Variants in NCKAP5 observed in about 807,000 individuals in gnomAD.
NCKAP5 encodes nck-associated protein 5.
A neutral mutation model predicts 167.0 loss-of-function variants in NCKAP5; 92 were observed. The observed-to-expected ratio is 0.55, with a 90% CI of 0.47 to 0.66. NCKAP5 has a LOEUF of 0.66. NCKAP5 is among the 30% of genes least tolerant of loss of function. NCKAP5 has a pLI of 0.00. For missense variants in NCKAP5, 2,378 were observed against 2,315.0 expected, an observed-to-expected ratio of 1.03 and a Z score of -0.56; for synonymous variants, 891 against 877.4, an observed-to-expected ratio of 1.02 and a Z score of -0.27.
At chr2:133,187,869 G>T (rs141994210) in intron 5 of NCKAP5, among the ~76,000 whole-genome samples, 2 of 151,768 alleles carry the variant, frequency 1.3e-5, no homozygotes, top group African/African-American at 2.4e-5. Flanking sequence ...GCCTATATGC[G>T]TTTGCACGTG....
intron 8 of NCKAP5, among the ~76,000 whole-genome samples, chr2:132,924,763 T>C (rs1695718481): frequency 6.6e-6 from 1 of 152,062 alleles, no homozygotes; most frequent in Non-Finnish European, 1.5e-5. Context: ...CAGAGTAAGT[T>C]GAGAGGCTAT....
intron 16 of NCKAP5, among the ~76,000 whole-genome samples, chr2:132,739,826 T>A (rs1302310032): frequency 6.6e-6 from 1 of 152,202 alleles, no homozygotes; most frequent in Non-Finnish European, 1.5e-5. Context: ...ATCTGCCTCA[T>A]GTAGAGAAAA....
At position 133,248,798 on chromosome 2, in the gene NCKAP5, C is replaced by T. The variant is rs1186148711; in HGVS notation, c.144-35019G>A. Among the ~76,000 whole-genome samples, 14 of 152,170 alleles carry T rather than the reference C, an allele frequency of 9.2e-5. 1 individual carries two copies. The highest frequency in any genetic ancestry group is 6.2e-4 in the South Asian group (3 of 4,830). On this transcript the variant is annotated intron_variant, in intron 4 of 19. Transcript: ENST00000409261. ...TGTCTAACCCTTGACTGCTCCGGTT[C>T]GTTCCCCAACCAGATCAACAGACCC...
chr2:132,747,717 T>C (rs1457365933), intron 16 of NCKAP5, among the ~76,000 whole-genome samples: 1 of 152,218 alleles, frequency 6.6e-6, no homozygotes, highest in Non-Finnish European at 1.5e-5. Flanking sequence ...TTCTGCAGCA[T>C]AACAACATTT....
At position 133,251,076 on chromosome 2, in the gene NCKAP5, T is replaced by TA. The variant is rs1017879711; in HGVS notation, c.144-37298dup. Among the ~76,000 whole-genome samples, 156 of 140,434 alleles carry TA rather than the reference T, an allele frequency of 1.1e-3. 1 individual carries two copies. The highest frequency in any genetic ancestry group is 3.5e-3 in the Middle Eastern group (1 of 284). The allele number at this position is 140,434 out of a possible 152,430, so 92.1% of individuals were successfully genotyped here. ...ACACACTGAAAACATTCTTTAAAAATAAAAAAAAAAACCCAGCATAACAGT... is the reference window on the plus strand; with the variant it reads ...ACACACTGAAAACATTCTTTAAAAATAAAAAAAAAAAACCCAGCATAACAGT... On this transcript the variant is annotated intron_variant, in intron 4 of 19. Transcript: ENST00000409261.
intron 3 of NCKAP5, among the ~76,000 whole-genome samples, chr2:133,337,575 A>C (rs1295468480): frequency 2.0e-5 from 3 of 152,212 alleles, no homozygotes; most frequent in Admixed American, 2.0e-4. Flanking sequence ...GCCCTAATCC[A>C]ATATGACTGG....
intron 8 of NCKAP5, among the ~76,000 whole-genome samples, chr2:132,916,680 A>C (rs531513754): frequency 6.6e-6 from 1 of 152,254 alleles, no homozygotes; most frequent in Admixed American, 6.5e-5. Context: ...TAGTTGACTT[A>C]GGACCAAAAG....
At chr2:132,743,803 A>G (rs910751782) in intron 16 of NCKAP5, among the ~76,000 whole-genome samples, 2 of 151,724 alleles carry the variant, frequency 1.3e-5, no homozygotes, top group Admixed American at 1.3e-4. Flanking sequence ...TAGATAAAAC[A>G]TTCATTTTAA....
chr2:133,361,384 G>C (rs191848629), intron 3 of NCKAP5, among the ~76,000 whole-genome samples: 284 of 152,278 alleles, frequency 1.9e-3, no homozygotes, highest in Middle Eastern at 0.017. Context: ...TAGATCCTCA[G>C]GGATTTCCTC....
chr2:132,917,058 TG>T (rs750537068), intron 8 of NCKAP5, among the ~76,000 whole-genome samples: 10 of 152,206 alleles, frequency 6.6e-5, no homozygotes, highest in Non-Finnish European at 1.3e-4. Flanking sequence ...GCTCTTTGTG[TG>T]CTTTATTTAA....
At position 132,790,164 on chromosome 2, in the gene NCKAP5, G is replaced by A. The variant is rs1045354381; in HGVS notation, c.951C>T (p.Gly317=). The change falls in exon 13 of 20, where the codon GGC becomes GGT. Residue 317 remains glycine (G), a synonymous_variant. Transcript: ENST00000409261. ...LNTKSALKCP[G]LGAVIPGHLC... ...GATGACCAGGGATGACAGCCCCCAA[G>A]CCAGGGCATTTCAAGGCCGATTTTG... The A allele has an allele frequency of 9.3e-6, 15 of 1,613,462 alleles. No individual in the cohort carries two copies. The highest frequency in any genetic ancestry group is 6.7e-5 in the Admixed American group (4 of 59,950).
chr2:132,802,188 T>C (rs1685094192), intron 11 of NCKAP5, among the ~76,000 whole-genome samples: 2 of 152,182 alleles, frequency 1.3e-5, no homozygotes, highest in South Asian at 4.1e-4. Context: ...CCCGTCTTGG[T>C]GAGTCCTAGT....
chr2:132,831,607 G>C (rs1687527360), intron 11 of NCKAP5, among the ~76,000 whole-genome samples: 1 of 151,506 alleles, frequency 6.6e-6, no homozygotes, highest in Admixed American at 6.6e-5. Context: ...GACTGGTAGG[G>C]GCTCTTTATA....
intron 6 of NCKAP5, among the ~76,000 whole-genome samples, chr2:133,109,193 T>C (rs2081826170): frequency 6.6e-6 from 1 of 152,212 alleles, no homozygotes; most frequent in Non-Finnish European, 1.5e-5. Context: ...ACGTGCTTTA[T>C]AGAATTAAGA....
At chr2:133,619,578 G>A in the NCKAP5 span, among the ~76,000 whole-genome samples, 1 of 152,002 alleles carries the variant, frequency 6.6e-6, no homozygotes, top group Non-Finnish European at 1.5e-5. Context: ...AAGCCTCCAA[G>A]AAGCTTGGGA....
intron 19 of NCKAP5, among the ~76,000 whole-genome samples, chr2:132,713,779 G>T (rs113571612): frequency 2.0e-5 from 3 of 152,234 alleles, no homozygotes; most frequent in African/African-American, 7.2e-5. Flanking sequence ...CATTCTGTAT[G>T]ATGCTTGTGG....
At chr2:133,430,031 T>C (rs1474633880) in intron 3 of NCKAP5, among the ~76,000 whole-genome samples, 1 of 152,150 alleles carries the variant, frequency 6.6e-6, no homozygotes, top group Non-Finnish European at 1.5e-5. Context: ...TGATGTGAGA[T>C]GGTATCTCAT....
At chr2:133,502,761 T>C (rs1340945164) in intron 3 of NCKAP5, among the ~76,000 whole-genome samples, 1 of 152,170 alleles carries the variant, frequency 6.6e-6, no homozygotes, top group Non-Finnish European at 1.5e-5. Flanking sequence ...TAAAGAATAG[T>C]AATAGTTTCA....
the NCKAP5 span, among the ~76,000 whole-genome samples, chr2:133,646,453 GA>G: frequency 3.3e-5 from 5 of 151,452 alleles, no homozygotes; most frequent in African/African-American, 4.8e-5. Flanking sequence ...AGTACTGAAA[GA>G]AAAAAAACAC....
Sources: allele counts gnomAD v4.1 joint callset (sites outside exome capture counted in the v4.1 genomes callset), GRCh38; gene constraint gnomAD v4.1.1; transcripts MANE v1.5; gene names NCBI Gene and HGNC (gene_info 2026-07-23, HGNC 2026-07-21).